MAP3K5: variants seen among roughly 807,000 people sequenced by gnomAD.
The protein encoded by MAP3K5 is mitogen-activated protein kinase kinase kinase 5.
Under a neutral mutation model 158.7 loss-of-function variants are expected in MAP3K5, and 56 were observed. The ratio of observed to expected loss-of-function variants is 0.35; its 90% CI spans 0.28 to 0.44. The LOEUF is 0.44. Among genes scored for constraint, MAP3K5 ranks in the 20% least tolerant of loss-of-function variants. The probability of loss-of-function intolerance (pLI) is 1.00; values close to 1 mark genes in which losing one functional copy is unlikely to be tolerated. For synonymous variants in MAP3K5, 579 were observed against 601.7 expected (o/e 0.96, Z 0.55); for missense variants, 1,294 against 1,674.8 (o/e 0.77, Z 3.97).
intron 1 of MAP3K5, among the ~76,000 whole-genome samples, chr6:136,772,778 C>G (rs774409624): frequency 2.6e-5 from 4 of 152,118 alleles, no homozygotes; most frequent in African/African-American, 4.8e-5. Context: ...GCATTATGAG[C>G]AATTAAGTGT....
chr6:136,729,327 G>A lies in MAP3K5; in HGVS notation c.449-8738C>T, dbSNP rs139293333. On this transcript the variant is annotated intron_variant, in intron 1 of 29. Transcript: ENST00000359015. ...CCAGTTGTGTTTCTGGATGGATGACGTCAGACAATACCTCGAACTCTCTGA... is the reference window on the plus strand; with the variant it reads ...CCAGTTGTGTTTCTGGATGGATGACATCAGACAATACCTCGAACTCTCTGA... Among the ~76,000 whole-genome samples the A allele has an allele frequency of 6.0e-4, 90 of 150,592 alleles. 1 individual carries two copies. Among genetic ancestry groups the A allele is most frequent in the Middle Eastern group, 3.4e-3 (1 of 294 alleles).
chr6:136,583,448 T>G, intron 24 of MAP3K5, 107 bp downstream of exon 24: 2 of 1,017,030 alleles, frequency 2.0e-6, no homozygotes, highest in Non-Finnish European at 1.4e-6. Context: ...CCAAAAAGAA[T>G]AGAGTTCACT....
intron 13 of MAP3K5, among the ~76,000 whole-genome samples, chr6:136,637,746 T>C (rs1379714742): frequency 1.3e-5 from 2 of 152,050 alleles, no homozygotes; most frequent in Non-Finnish European, 2.9e-5. Context: ...TCGCTGTGAC[T>C]AGGCCATTCA....
chr6:136,745,146 T>G (rs1342588647), intron 1 of MAP3K5, among the ~76,000 whole-genome samples: 93 of 132,906 alleles, frequency 7.0e-4, no homozygotes, highest in Non-Finnish European at 7.6e-5. Context: ...CATTAAAGTT[T>G]TTTTTTTTTT....
rs1775635772 is a variant in MAP3K5, at chr6:136,596,478, A to G, written c.2879-3864T>C. On this transcript the variant is annotated intron_variant, in intron 21 of 29. Transcript: ENST00000359015. ...TGGAGACACTGTACTTCAAGACGGG[A>G]AGCTGTGATGTGGGGCAAAAAAAGG... Among the ~76,000 whole-genome samples, 3 of 152,138 alleles carry G rather than the reference A, an allele frequency of 2.0e-5. No individual in the cohort carries two copies. The South Asian group carries it at 6.2e-4, about 31-fold the overall frequency.
rs181927316 is a variant in MAP3K5, at chr6:136,595,105, T to C, written c.2879-2491A>G. 1.2e-4 allele frequency among the ~76,000 whole-genome samples: 18 copies of C among 152,260 alleles called. No homozygotes were observed. In the East Asian group the frequency reaches 3.5e-3, roughly 29 times the overall value. On this transcript the variant is annotated intron_variant, in intron 21 of 29. Coordinates refer to ENST00000359015, the MANE Select transcript of MAP3K5 (RefSeq NM_005923.4). ...CATGTTCTATGTGCAGAGCCCTGAT[T>C]CCCTCCTCGGTTTGATTTTATTTTA... is the stretch of plus-strand genomic sequence containing the variant.
chr6:136,577,949 T>A (rs9376205), intron 25 of MAP3K5, among the ~76,000 whole-genome samples: 15,913 of 152,238 alleles, frequency 0.1, 982 homozygotes, highest in East Asian at 0.18. Flanking sequence ...GTTTGTTTTT[T>A]TTTAATTAAG....
rs1309119824 is a variant in MAP3K5, at chr6:136,613,323, T to C, written c.2279-67A>G. 1.8e-5 allele frequency: 25 copies of C among 1,395,376 alleles called. No individual in the cohort carries two copies. Among genetic ancestry groups the C allele is most frequent in the Middle Eastern group, 2.3e-4 (1 of 4,356 alleles). The allele number at this position is 1,395,376 out of a possible 1,614,324, so 86.4% of individuals were successfully genotyped here. A position where few individuals can be genotyped will look rare whatever the true frequency, so the allele number is the denominator to read the frequency against. Reference sequence around the variant, plus strand: ...TGAGCTCTTTAAAGTGTATTAATAATGTAACAGTAATTTAAGCTAACAGTC... The same window carrying C: ...TGAGCTCTTTAAAGTGTATTAATAACGTAACAGTAATTTAAGCTAACAGTC... On this transcript the variant is annotated intron_variant, in intron 16 of 29. Transcript: ENST00000359015. The surrounding 1 kb of genome is among the most constrained non-coding windows in gnomAD (Gnocchi z 4.0).
chr6:136,707,565 G>T (rs1781132884), intron 2 of MAP3K5, among the ~76,000 whole-genome samples: 1 of 151,980 alleles, frequency 6.6e-6, no homozygotes, highest in East Asian at 1.9e-4. Flanking sequence ...CTTGGGGGGG[G>T]GGGGAACCCC....
intron 23 of MAP3K5, among the ~76,000 whole-genome samples, chr6:136,590,878 G>A (rs1253631714): frequency 6.6e-6 from 1 of 152,086 alleles, no homozygotes; most frequent in Non-Finnish European, 1.5e-5. Context: ...GGCCTTACCT[G>A]GGGTACTCTG....
chr6:136,697,090 A>T (rs1780631905), intron 5 of MAP3K5, 129 bp downstream of exon 5: 1 of 615,798 alleles, frequency 1.6e-6, no homozygotes, highest in Non-Finnish European at 2.6e-6. Context: ...TGGAAAGCTT[A>T]AGAGAGTCAA....
rs189864984 is a variant in MAP3K5, at chr6:136,701,423, C to T, written c.613-2741G>A. 1.2e-4 allele frequency among the ~76,000 whole-genome samples: 18 copies of T among 152,292 alleles called. 1 individual carries two copies. Among genetic ancestry groups the T allele is most frequent in the African/African-American group, 4.3e-4 (18 of 41,550 alleles). On this transcript the variant is annotated intron_variant, in intron 3 of 29. Coordinates refer to ENST00000359015, the MANE Select transcript of MAP3K5 (RefSeq NM_005923.4). Reference sequence around the variant, plus strand: ...CTTCCAGTTAAAGCACAAGAAGAACCTCCAGAGAGTGAGATTTGATTTGAA... The same window carrying T: ...CTTCCAGTTAAAGCACAAGAAGAACTTCCAGAGAGTGAGATTTGATTTGAA...
chr6:136,786,242 G>T (rs1178594863), intron 1 of MAP3K5, among the ~76,000 whole-genome samples: 1 of 151,984 alleles, frequency 6.6e-6, no homozygotes, highest in Non-Finnish European at 1.5e-5. Context: ...GCTGGAATGT[G>T]GTGGCACATG....
intron 1 of MAP3K5, among the ~76,000 whole-genome samples, chr6:136,764,858 A>G (rs1193247483): frequency 6.6e-6 from 1 of 152,162 alleles, no homozygotes; most frequent in Non-Finnish European, 1.5e-5. Context: ...CTCAAGGCAC[A>G]CTTCCTGGCC....
At chr6:136,762,654 G>A (rs1395650850) in intron 1 of MAP3K5, among the ~76,000 whole-genome samples, 4 of 152,208 alleles carry the variant, frequency 2.6e-5, no homozygotes, top group Non-Finnish European at 5.9e-5. Context: ...ACCAGGGAAA[G>A]TACACTTCCT....
Position 136,669,405 on chromosome 6 carries a change from A to C in MAP3K5, c.1254-10T>G. 1 of 1,482,114 alleles carries C rather than the reference A, an allele frequency of 6.7e-7. No homozygotes were observed. The highest frequency in any genetic ancestry group is 9.4e-7 in the Non-Finnish European group (1 of 1,061,672). 91.8% of individuals were successfully genotyped at this position (1,482,114 alleles called of 1,614,324 possible). On this transcript the variant is annotated splice_polypyrimidine_tract_variant and intron_variant, in intron 7 of 29. Coordinates refer to ENST00000359015, the MANE Select transcript of MAP3K5 (RefSeq NM_005923.4). The stretch of plus-strand genomic sequence containing the variant: ...AAATGCCTTTTTGAACCTATAAAAA[A>C]CCACAAATGTACAAGTTAACTTTCT...
At chr6:136,644,533 T>C (rs745306393) in intron 11 of MAP3K5, among the ~76,000 whole-genome samples, 16 of 152,166 alleles carry the variant, frequency 1.1e-4, no homozygotes, top group Non-Finnish European at 2.1e-4. Context: ...AGGCCCCAGT[T>C]AGGGCTAGAA....
intron 19 of MAP3K5, among the ~76,000 whole-genome samples, chr6:136,604,540 G>A (rs942157748): frequency 7.2e-5 from 11 of 152,014 alleles, no homozygotes; most frequent in African/African-American, 1.5e-4. Context: ...GTCTGGCAGC[G>A]GAGGACTGCA....
chr6:136,662,254 T>C (rs1393425628), intron 8 of MAP3K5, among the ~76,000 whole-genome samples: 2 of 152,344 alleles, frequency 1.3e-5, no homozygotes, highest in East Asian at 3.9e-4. Context: ...AATAAGGTCT[T>C]ACCCACACCC....
Sources: allele counts gnomAD v4.1 joint callset (sites outside exome capture counted in the v4.1 genomes callset), GRCh38; gene constraint gnomAD v4.1.1; non-coding constraint Gnocchi (gnomAD v3.1); transcripts MANE v1.5; gene names NCBI Gene and HGNC (gene_info 2026-07-23, HGNC 2026-07-21).